The following ACSF2 variants were observed in gnomAD, a reference collection of about 807,000 sequenced individuals.
ACSF2 encodes the protein medium-chain acyl-CoA ligase ACSF2, mitochondrial.
In ACSF2, 52 loss-of-function variants were observed where a neutral mutation model predicts 79.3. That is an observed-to-expected ratio of 0.66 (90% CI 0.53 to 0.83). The LOEUF is 0.83. Ranked by LOEUF, ACSF2 falls within the 40% of genes least tolerant of loss-of-function variation. ACSF2 has a pLI of 0.00. For missense variants in ACSF2, 661 were observed against 803.3 expected (o/e 0.82, Z 2.14); for synonymous variants, 283 against 312.6 (o/e 0.91, Z 1.00).
At position 50,463,749 on chromosome 17, in the gene ACSF2, G is replaced by C. The variant is rs2032495769; in HGVS notation, c.1047-69G>C. The stretch of plus-strand genomic sequence containing the variant: ...CTATTCCCTTTGCTGCAGTTTCATG[G>C]CGGGGTGGGTGAGAACAGGGAGTTC... On this transcript the variant is annotated intron_variant, in intron 8 of 15. Transcript: ENST00000300441. This position sits in a 1 kb window ranked among gnomAD's most constrained non-coding sequence, Gnocchi z 4.6. 1 of 1,520,932 alleles carries C rather than the reference G, an allele frequency of 6.6e-7. No homozygotes were observed. 94.2% of individuals were successfully genotyped at this position (1,520,932 alleles called of 1,614,324 possible).
chr17:50,451,933 G>A (rs566453436), intron 1 of ACSF2, among the ~76,000 whole-genome samples: 12 of 152,266 alleles, frequency 7.9e-5, no homozygotes, highest in African/African-American at 2.9e-4. Flanking sequence ...ATTCATCTGA[G>A]CACCTCTTAT....
At chr17:50,461,055 T>A in intron 2 of ACSF2, 183 bp downstream of exon 2, 1 of 1,121,668 alleles carries the variant, frequency 8.9e-7, no homozygotes, top group East Asian at 2.6e-5. Context: ...GCCTCCTGTA[T>A]CAGCAGCTCC....
At chr17:50,468,403 C>A in intron 10 of ACSF2, 1 of 1,614,186 alleles carries the variant, frequency 6.2e-7, no homozygotes, top group Non-Finnish European at 8.5e-7. Context: ...CCCGGGGCAG[C>A]TCAGTGACCT....
intron 1 of ACSF2, among the ~76,000 whole-genome samples, chr17:50,431,531 T>C (rs1358397086): frequency 6.6e-6 from 1 of 152,230 alleles, no homozygotes; most frequent in African/African-American, 2.4e-5. Flanking sequence ...ATCTCACTTG[T>C]GCTTCAATCG....
Position 50,462,259 on chromosome 17 carries a change from C to G in ACSF2, c.583C>G (p.Pro195Ala). 2 of 1,614,026 alleles carry G rather than the reference C, an allele frequency of 1.2e-6. No individual in the cohort carries two copies. Among genetic ancestry groups the G allele is most frequent in the East Asian group, 2.2e-5 (1 of 44,884 alleles). The change falls in exon 5 of 16, where the codon CCA becomes GCA. Residue 195 changes from proline (P) to alanine (A), a missense_variant. Transcript: ENST00000300441. ...QYYNVLKQIC[P>A]EVENAQPGAL... ...CTACAACGTCCTGAAGCAGATCTGT[C>G]CAGAAGTGGAGAATGCCCAGCCAGG...
chr17:50,466,073 C>CTTTT (rs10707664), intron 10 of ACSF2, among the ~76,000 whole-genome samples: 1 of 120,028 alleles, frequency 8.3e-6, no homozygotes, highest in Non-Finnish European at 1.7e-5. Context: ...GTGTTATTTT[C>CTTTT]TTTTTTTTTT....
chr17:50,465,961 G>C, intron 10 of ACSF2: 1 of 1,426,770 alleles, frequency 7.0e-7, no homozygotes. Flanking sequence ...ATCCTTCCCT[G>C]AACCTGAGCC....
At chr17:50,457,480 A>G (rs958663068) in intron 1 of ACSF2, among the ~76,000 whole-genome samples, 15 of 152,142 alleles carry the variant, frequency 9.9e-5, no homozygotes, top group African/African-American at 3.6e-4. Context: ...ATCTCAGTAG[A>G]CCCTGAGGGC....
intron 1 of ACSF2, among the ~76,000 whole-genome samples, chr17:50,428,090 GA>G (rs1915168305): frequency 6.6e-6 from 1 of 152,204 alleles, no homozygotes; most frequent in African/African-American, 2.4e-5. Context: ...TTGGAAAGCA[GA>G]GGTGGTAGGA....
chr17:50,438,269 C>T (rs2030591374), intron 1 of ACSF2, among the ~76,000 whole-genome samples: 1 of 152,156 alleles, frequency 6.6e-6, no homozygotes, highest in South Asian at 2.1e-4. Context: ...CAACATAGTA[C>T]TTAGTAAGCA....
Position 50,471,231 on chromosome 17 carries a change from A to T in ACSF2, c.1323+96A>T. 9.9e-7 allele frequency: 1 copy of T among 1,008,068 alleles called. No homozygotes were observed. The highest frequency in any genetic ancestry group is 1.5e-6 in the Non-Finnish European group (1 of 645,836). 62.4% of individuals were successfully genotyped at this position (1,008,068 alleles called of 1,614,324 possible). A position where few individuals can be genotyped will look rare whatever the true frequency, so the allele number is the denominator to read the frequency against. The stretch of plus-strand genomic sequence containing the variant: ...CGGTTGCTTTCAGTGAGAGAGTCAA[A>T]TGGCTCACTCAGGATGCCTAGAGCC... On this transcript the variant is annotated intron_variant, in intron 11 of 15. Coordinates refer to ENST00000300441, the MANE Select transcript of ACSF2 (RefSeq NM_025149.6). The surrounding 1 kb of genome is among the most constrained non-coding windows in gnomAD (Gnocchi z 4.1).
In ACSF2 at chr17:50,460,877, G is replaced by A. The variant is rs1462600987; in HGVS notation, c.324+5G>A. Reference sequence around the variant, plus strand: ...TTTGCCCAACTCAAGGAGGAGGTGGGTCCTGACCTGGAAACCTCAAAGTGG... The same window carrying A: ...TTTGCCCAACTCAAGGAGGAGGTGGATCCTGACCTGGAAACCTCAAAGTGG... On this transcript the variant is annotated splice_donor_5th_base_variant and intron_variant, in intron 2 of 15. Transcript: ENST00000300441. 1.1e-5 allele frequency: 17 copies of A among 1,604,774 alleles called. No individual in the cohort carries two copies. The highest frequency in any genetic ancestry group is 1.4e-5 in the Non-Finnish European group (17 of 1,174,734).
chr17:50,465,192 T>A, intron 10 of ACSF2: 2 of 1,397,808 alleles, frequency 1.4e-6, no homozygotes, highest in Non-Finnish European at 9.8e-7. Flanking sequence ...AAATGGAGGG[T>A]CTGCCTGACC....
chr17:50,441,925 G>C (rs536573198), intron 1 of ACSF2, among the ~76,000 whole-genome samples: 2 of 151,902 alleles, frequency 1.3e-5, no homozygotes, highest in African/African-American at 4.8e-5. Context: ...CAGCAGCCTC[G>C]CCCTTGTGGG....
Position 50,460,584 on chromosome 17 carries a change from C to T in ACSF2, c.129-93C>T, listed in dbSNP as rs970336445. ...CTAGTGGTCTCTAACACATTGTCAGCAGCCTACCCCCTGGCTTGGCTGGGT... is the reference window on the plus strand; with the variant it reads ...CTAGTGGTCTCTAACACATTGTCAGTAGCCTACCCCCTGGCTTGGCTGGGT... On this transcript the variant is annotated intron_variant, in intron 1 of 15. Coordinates refer to ENST00000300441, the MANE Select transcript of ACSF2 (RefSeq NM_025149.6). 5 of 1,174,276 alleles carry T rather than the reference C, an allele frequency of 4.3e-6. No homozygotes were observed. The East Asian group carries it at 1.3e-4, about 30-fold the overall frequency. 72.7% of individuals were successfully genotyped at this position (1,174,276 alleles called of 1,614,324 possible). A position where few individuals can be genotyped will look rare whatever the true frequency, so the allele number is the denominator to read the frequency against.
chr17:50,434,973 C>T (rs544612374), intron 1 of ACSF2, among the ~76,000 whole-genome samples: 2 of 152,174 alleles, frequency 1.3e-5, no homozygotes, highest in Non-Finnish European at 2.9e-5. Context: ...CAGGTTCATG[C>T]GATTCTCCTG....
chr17:50,427,675 A>AG (rs1367096085), intron 1 of ACSF2, among the ~76,000 whole-genome samples: 5 of 152,238 alleles, frequency 3.3e-5, no homozygotes, highest in Non-Finnish European at 7.3e-5. Flanking sequence ...ATCAGGCCAC[A>AG]GGGGAAGTCT....
chr17:50,470,541 G>A (rs981270068), intron 10 of ACSF2, among the ~76,000 whole-genome samples: 17 of 152,148 alleles, frequency 1.1e-4, no homozygotes, highest in Admixed American at 5.9e-4. Context: ...TGCAGAATGC[G>A]GGGGTGGGGT....
intron 4 of ACSF2, 45 bp downstream of exon 4, chr17:50,461,731 AG>A (rs1422764361): frequency 6.2e-7 from 1 of 1,609,020 alleles, no homozygotes. Context: ...GGCCTGGCAC[AG>A]GGGGCTGCAC....
Sources: gnomAD v4.1 joint callset for allele counts (sites outside exome capture counted in the v4.1 genomes callset) on GRCh38, gnomAD v4.1.1 for gene constraint, Gnocchi (gnomAD v3.1) non-coding constraint, MANE v1.5 for transcripts, NCBI Gene and HGNC (gene_info 2026-07-23, HGNC 2026-07-21) for gene names.